The following SNAP23 variants were observed in gnomAD, a reference collection of about 807,000 sequenced individuals.
SNAP23 encodes synaptosome associated protein 23.
In SNAP23, 11 loss-of-function variants were observed where a neutral mutation model predicts 29.0. The observed-to-expected ratio is 0.38, with a 90% CI of 0.24 to 0.63. SNAP23 has a LOEUF of 0.63. SNAP23 is among the 20% of genes least tolerant of loss of function. SNAP23 has a pLI of 0.58. For missense variants in SNAP23, 220 were observed against 253.9 expected (o/e 0.87, Z 0.91); for synonymous variants, 60 against 82.9 (o/e 0.72, Z 1.50).
chr15:42,498,097 G>T (rs1359139089), intron 1 of SNAP23, among the ~76,000 whole-genome samples: 3 of 152,230 alleles, frequency 2.0e-5, no homozygotes, highest in Admixed American at 6.5e-5. Flanking sequence ...GGCTGGCATT[G>T]AGTGCCTGAG....
chr15:42,528,837 C>T (rs989782441), intron 6 of SNAP23, among the ~76,000 whole-genome samples: 3 of 152,108 alleles, frequency 2.0e-5, no homozygotes, highest in Non-Finnish European at 4.4e-5. Flanking sequence ...CCACCTGCCT[C>T]GGCCTCCCAA....
chr15:42,510,960 T>A (rs943638475), intron 1 of SNAP23, among the ~76,000 whole-genome samples: 9 of 152,172 alleles, frequency 5.9e-5, no homozygotes, highest in Non-Finnish European at 1.0e-4. Flanking sequence ...AGAACCAGAG[T>A]TTATCTGTGT....
intron 5 of SNAP23, among the ~76,000 whole-genome samples, chr15:42,520,207 C>T (rs983811640): frequency 2.6e-5 from 4 of 151,708 alleles, no homozygotes; most frequent in Non-Finnish European, 4.4e-5. Context: ...TGCACCACCA[C>T]GCCTGGCTAA....
chr15:42,513,338 T>C (rs895549741), intron 3 of SNAP23, 61 bp from the exon 4 acceptor site: 4 of 1,447,224 alleles, frequency 2.8e-6, no homozygotes, highest in Non-Finnish European at 3.9e-6. Context: ...TCTTGTAGGT[T>C]TTGTTTCTGT....
chr15:42,511,355 C>CATATTTAGACT (rs1217182918), intron 1 of SNAP23, among the ~76,000 whole-genome samples: 1 of 152,156 alleles, frequency 6.6e-6, no homozygotes, highest in Non-Finnish European at 1.5e-5. Context: ...CAGTGAGTGT[C>CATATTTAGACT]CTGGACAACT....
At chr15:42,512,886 A>C (rs1401827004) in intron 2 of SNAP23, 69 bp from the exon 3 acceptor site, 2 of 1,178,018 alleles carry the variant, frequency 1.7e-6, no homozygotes, top group Non-Finnish European at 2.5e-6. Flanking sequence ...TAGCATCATG[A>C]ATTTGGCCTG....
chr15:42,505,338 T>A (rs1222928334), intron 1 of SNAP23: 1 of 152,278 alleles, frequency 6.6e-6, no homozygotes, highest in African/African-American at 2.4e-5. Context: ...GTGCTGGGAT[T>A]ACAGGCATGA....
chr15:42,514,860 C>G (rs1010073219), intron 4 of SNAP23, among the ~76,000 whole-genome samples: 8 of 152,012 alleles, frequency 5.3e-5, no homozygotes, highest in African/African-American at 1.9e-4. Context: ...CATCACCACA[C>G]CCAGCTAATT....
intron 1 of SNAP23, among the ~76,000 whole-genome samples, chr15:42,501,106 A>T (rs1474488967): frequency 6.6e-6 from 1 of 152,198 alleles, no homozygotes; most frequent in African/African-American, 2.4e-5. Context: ...TGGGAGGCTG[A>T]AGTAGGAGCA....
chr15:42,510,427 C>A, intron 1 of SNAP23, among the ~76,000 whole-genome samples: 1 of 152,192 alleles, frequency 6.6e-6, no homozygotes, highest in African/African-American at 2.4e-5. Context: ...TGAGCTACCA[C>A]ACCCAGCCAA....
chr15:42,526,902 A>C (rs2057508881), intron 5 of SNAP23, among the ~76,000 whole-genome samples: 1 of 146,460 alleles, frequency 6.8e-6, no homozygotes, highest in African/African-American at 2.6e-5. Context: ...CAGTGGTGTG[A>C]TCTTGGCTCC....
chr15:42,518,375 C>G (rs542322822), intron 5 of SNAP23, among the ~76,000 whole-genome samples: 1 of 152,198 alleles, frequency 6.6e-6, no homozygotes, highest in African/African-American at 2.4e-5. Flanking sequence ...AGTAACAACC[C>G]AGGTCAGGTC....
chr15:42,500,842 C>T (rs897296668), intron 1 of SNAP23, among the ~76,000 whole-genome samples: 2 of 152,076 alleles, frequency 1.3e-5, no homozygotes, highest in Admixed American at 1.3e-4. Context: ...CATTTGTATT[C>T]ATTTAGATTC....
chr15:42,504,252 G>A (rs767480101), intron 1 of SNAP23, among the ~76,000 whole-genome samples: 108 of 152,056 alleles, frequency 7.1e-4, no homozygotes, highest in Non-Finnish European at 2.4e-4. Flanking sequence ...TGGGGAAGGA[G>A]AATCACTTGA....
intron 5 of SNAP23, among the ~76,000 whole-genome samples, chr15:42,526,733 T>C (rs2057506376): frequency 1.3e-5 from 2 of 152,134 alleles, no homozygotes; most frequent in Admixed American, 6.6e-5. Flanking sequence ...AGCTTGACTT[T>C]AGCCAAATAA....
chr15:42,515,177 C>T, intron 4 of SNAP23, 60 bp from the exon 5 acceptor site: 2 of 999,832 alleles, frequency 2.0e-6, no homozygotes, highest in Non-Finnish European at 3.0e-6. Flanking sequence ...ATAATAATAG[C>T]ATTTTCTGGT....
intron 1 of SNAP23, among the ~76,000 whole-genome samples, chr15:42,499,161 CG>C (rs1219800419): frequency 6.6e-6 from 1 of 151,904 alleles, no homozygotes; most frequent in Non-Finnish European, 1.5e-5. Context: ...CTCCACCTCC[CG>C]GGTTCAAGCG....
chr15:42,523,529 C>T (rs894522509), intron 5 of SNAP23, among the ~76,000 whole-genome samples: 4 of 152,232 alleles, frequency 2.6e-5, no homozygotes, highest in Non-Finnish European at 5.9e-5. Flanking sequence ...CATGCACTTA[C>T]AGGCATGAAC....
At chr15:42,503,618 C>T (rs946621666) in intron 1 of SNAP23, among the ~76,000 whole-genome samples, 1 of 152,144 alleles carries the variant, frequency 6.6e-6, no homozygotes, top group African/African-American at 2.4e-5. Context: ...GATCTGCCCT[C>T]CTCAGCCTCC....
Sources: allele counts gnomAD v4.1 joint callset (sites outside exome capture counted in the v4.1 genomes callset), GRCh38; gene constraint gnomAD v4.1.1; transcripts MANE v1.5; gene names NCBI Gene and HGNC (gene_info 2026-07-23, HGNC 2026-07-21).